Variants in HERC1 observed in about 807,000 individuals in gnomAD.
The protein encoded by HERC1 is probable E3 ubiquitin-protein ligase HERC1.
A neutral mutation model predicts 554.3 loss-of-function variants in HERC1; 160 were observed. The observed-to-expected ratio is 0.29, with a 90% CI of 0.25 to 0.33. The LOEUF (loss-of-function observed/expected upper bound fraction) is 0.33, where lower values mean the gene tolerates loss of function less well. HERC1 is among the 10% of genes least tolerant of loss of function. The pLI is 1.00. For synonymous variants in HERC1, 2,175 were observed against 2,131.7 expected (o/e 1.02, Z -0.56); for missense variants, 4,919 against 5,918.5 (o/e 0.83, Z 5.54).
rs143857583 is a variant in HERC1, at chr15:63,707,325, T to G, written c.4585-494A>C. 7.5e-4 allele frequency among the ~76,000 whole-genome samples: 115 copies of G among 152,358 alleles called. 4 individuals carry two copies. The East Asian group carries it at 0.017, about 23-fold the overall frequency. ...ATAACAGTCCTAAACCTTCTGGTAG[T>G]ATTTGAAAAGATTTTTAAATGTCTT... On this transcript the variant is annotated intron_variant, in intron 24 of 77. Coordinates refer to ENST00000443617, the MANE Select transcript of HERC1 (RefSeq NM_003922.4).
chr15:63,762,581 T>A (rs2075648017), intron 3 of HERC1, among the ~76,000 whole-genome samples: 1 of 152,116 alleles, frequency 6.6e-6, no homozygotes, highest in South Asian at 2.1e-4. Flanking sequence ...CACCTCGGCC[T>A]CCCAAAGTGC....
Position 63,616,528 on chromosome 15 carries a change from G to C in HERC1, c.13843C>G (p.Leu4615Val), listed in dbSNP as rs759412132. The change falls in exon 75 of 78, where the codon CTA becomes GTA. Residue 4615 changes from leucine to valine, a missense_variant. By Grantham distance (32) the Leu-to-Val change is conservative. Transcript: ENST00000443617. ...WKQLCCVPLT[L>V]EDLEEVDLLY... Reference sequence around the variant, plus strand: ...AGATCCACCTCCTCCAGGTCCTCTAGGGTGAGTGGGACACAGCACAGCTGC... The same window carrying C: ...AGATCCACCTCCTCCAGGTCCTCTACGGTGAGTGGGACACAGCACAGCTGC... 6 of 1,613,846 alleles carry C rather than the reference G, an allele frequency of 3.7e-6. No homozygotes were observed. The highest frequency in any genetic ancestry group is 4.2e-6 in the Non-Finnish European group (5 of 1,179,896).
At chr15:63,660,046 C>T (rs910323010) in intron 46 of HERC1, 110 bp from the exon 47 acceptor site, 37 of 860,202 alleles carry the variant, frequency 4.3e-5, no homozygotes, top group Non-Finnish European at 5.9e-5. Context: ...CAGCCAGATG[C>T]GATGGCTCAC....
intron 19 of HERC1, among the ~76,000 whole-genome samples, chr15:63,720,258 CACACTCGGCCTCT>C (rs1409108540): frequency 4.0e-5 from 6 of 151,748 alleles, no homozygotes; most frequent in East Asian, 1.9e-4. Flanking sequence ...CATGAGCTAC[CACACTCGGCCTCT>C]TCCCATTCTT....
At chr15:63,798,818 ACT>A (rs921000719) in intron 1 of HERC1, among the ~76,000 whole-genome samples, 25 of 152,308 alleles carry the variant, frequency 1.6e-4, no homozygotes, top group African/African-American at 5.8e-4. Context: ...CAAAATGGTA[ACT>A]CATAGGTATA....
rs775558489 is a variant in HERC1, at chr15:63,609,155, G to A, written c.14512C>T (p.Arg4838Cys). ...ATGTAGTTGTCCATGTCGATTGAGC[G>A]GCAGTTGTTGATGGCATAGCGCAGG... ...ERLRYAINNCRSIDMDNYMLS... is the reference protein window; with the variant it reads ...ERLRYAINNCCSIDMDNYMLS... The change falls in exon 78 of 78, where the codon CGC (arginine) becomes TGC (cysteine). Residue 4838 changes from arginine to cysteine, a missense_variant. Arg to Cys is a radical substitution (Grantham distance 180). Transcript: ENST00000443617. 5.6e-6 allele frequency: 9 copies of A among 1,613,934 alleles called. No individual in the cohort carries two copies. Among genetic ancestry groups the A allele is most frequent in the South Asian group, 1.1e-5 (1 of 91,036 alleles).
chr15:63,724,969 T>C (rs2073981467), intron 18 of HERC1, among the ~76,000 whole-genome samples: 1 of 152,220 alleles, frequency 6.6e-6, no homozygotes, highest in Non-Finnish European at 1.5e-5. Context: ...CTTTACATTC[T>C]GGGAAGCAGT....
intron 40 of HERC1, among the ~76,000 whole-genome samples, chr15:63,667,100 G>A (rs1290824227): frequency 6.6e-6 from 1 of 152,186 alleles, no homozygotes; most frequent in Non-Finnish European, 1.5e-5. Context: ...CATTCATGAT[G>A]AGCTATAGTG....
chr15:63,625,896 G>C, intron 71 of HERC1, 89 bp downstream of exon 71: 1 of 1,364,958 alleles, frequency 7.3e-7, no homozygotes, highest in Non-Finnish European at 1.0e-6. Context: ...CAAAGGCAGA[G>C]GGAAAGGCCC....
chr15:63,749,529 A>C lies in HERC1; in HGVS notation c.2057T>G (p.Val686Gly). 1 of 1,605,358 alleles carries C rather than the reference A, an allele frequency of 6.2e-7. No individual in the cohort carries two copies. The highest frequency in any genetic ancestry group is 8.5e-7 in the Non-Finnish European group (1 of 1,177,102). ...CATTGAGTTATTGCCCCAGGCATAA[A>C]CTTCATTATCTAAAAACAAAATATA... is the stretch of plus-strand genomic sequence containing the variant. ...HCLALSHDNE[V>G]YAWGNNSMGQ... is the part of the protein sequence containing the mutation. Residue 686 changes from valine (V) to glycine (G), a missense_variant, in exon 10 of 78, where the codon GTT (valine) becomes GGT (glycine). Around this residue, in one of 11 missense-constraint regions of HERC1, gnomAD observed 744 missense variants for 1,090.0 expected, o/e 0.68. Coordinates refer to ENST00000443617, the MANE Select transcript of HERC1 (RefSeq NM_003922.4). This position sits in a 1 kb window ranked among gnomAD's most constrained non-coding sequence, Gnocchi z 4.1.
chr15:63,624,115 A>G, intron 72 of HERC1, 43 bp downstream of exon 72: 1 of 1,532,656 alleles, frequency 6.5e-7, no homozygotes, highest in Non-Finnish European at 8.9e-7. Context: ...ATCCATCTGA[A>G]AAAATCACAG....
chr15:63,827,897 T>C (rs994610169), intron 1 of HERC1, among the ~76,000 whole-genome samples: 1 of 152,128 alleles, frequency 6.6e-6, no homozygotes, highest in Admixed American at 6.5e-5. Context: ...AAACGCCACA[T>C]ATTATATGAT....
rs1242358817 is a variant in HERC1 at position 63,775,419 on chromosome 15, A to T, written c.205T>A (p.Ser69Thr). 11 of 1,613,832 alleles carry T rather than the reference A, an allele frequency of 6.8e-6. No homozygotes were observed. The highest frequency in any genetic ancestry group is 9.3e-6 in the Non-Finnish European group (11 of 1,179,870). Residue 69 changes from serine (S) to threonine (T), a missense_variant, in exon 2 of 78, where the codon TCT becomes ACT. Physicochemically the swap from Ser to Thr is moderately conservative, Grantham distance 58. Transcript: ENST00000443617. This position sits in a 1 kb window ranked among gnomAD's most constrained non-coding sequence, Gnocchi z 4.0. ...TGGTCCTGCTCATCACTTGAAAGAG[A>T]CTCACGTTCAAAGTCTGGCAACTGT... ...GPQLPDFERE[S>T]LSSDEQDHYL...
At chr15:63,618,502 A>G (rs1403260113) in intron 74 of HERC1, among the ~76,000 whole-genome samples, 2 of 122,286 alleles carry the variant, frequency 1.6e-5, no homozygotes, top group East Asian at 1.9e-4. Context: ...TTTTGGTTCC[A>G]TATGAACTTT....
Position 63,727,629 on chromosome 15 carries a change from T to G in HERC1, c.3346+18A>C. On this transcript the variant is annotated intron_variant, in intron 17 of 77. Transcript: ENST00000443617. This position sits in a 1 kb window ranked among gnomAD's most constrained non-coding sequence, Gnocchi z 4.3. ...TTTTCTCAAAGGCATTATTTGCTCTTTTATTGTCTTTACTTACCATGAAGA... is the reference window on the plus strand; with the variant it reads ...TTTTCTCAAAGGCATTATTTGCTCTGTTATTGTCTTTACTTACCATGAAGA... 1 of 1,585,176 alleles carries G rather than the reference T, an allele frequency of 6.3e-7. No individual in the cohort carries two copies. Among genetic ancestry groups the G allele is most frequent in the Non-Finnish European group, 8.6e-7 (1 of 1,163,030 alleles).
chr15:63,718,683 C>G lies in HERC1; in HGVS notation c.3869G>C (p.Gly1290Ala). ...ACGGTACACTTCTGATAAGTGTTTA[C>G]CAGGTTGATATCTAAATGAAGAACC... Reference protein sequence around the residue: ...QACGESRYQPGKHLSEVYRCV... With the variant: ...QACGESRYQPAKHLSEVYRCV... The change falls in exon 21 of 78, where the codon GGT becomes GCT. Residue 1290 changes from glycine (G) to alanine (A), a missense_variant. Physicochemically the swap from Gly to Ala is moderately conservative, Grantham distance 60 (BLOSUM62 0). Coordinates refer to ENST00000443617, the MANE Select transcript of HERC1 (RefSeq NM_003922.4). This position sits in a 1 kb window ranked among gnomAD's most constrained non-coding sequence, Gnocchi z 4.2. 1 of 1,602,744 alleles carries G rather than the reference C, an allele frequency of 6.2e-7. No individual in the cohort carries two copies. Among genetic ancestry groups the G allele is most frequent in the South Asian group, 1.1e-5 (1 of 89,988 alleles).
rs1483047456 is a variant in HERC1 at position 63,634,690 on chromosome 15, G to A, written c.12570+43C>T. The A allele has an allele frequency of 1.9e-6, 3 of 1,552,888 alleles. No homozygotes were observed. In the South Asian group the frequency reaches 3.5e-5, roughly 18 times the overall value. ...GTCTAAGCGAACACAGAAGAAATGA[G>A]AAACAATGATCAGCTAGAATATCTT... is the stretch of plus-strand genomic sequence containing the variant. On this transcript the variant is annotated intron_variant, in intron 66 of 77. Coordinates refer to ENST00000443617, the MANE Select transcript of HERC1 (RefSeq NM_003922.4).
Position 63,654,242 on chromosome 15 carries a change from C to T in HERC1, c.10167G>A (p.Gln3389=), listed in dbSNP as rs2069878975. The T allele has an allele frequency of 6.2e-7, 1 of 1,613,872 alleles. No individual in the cohort carries two copies. The highest frequency in any genetic ancestry group is 1.3e-5 in the African/African-American group (1 of 74,934). Residue 3389 remains glutamine (Q), a synonymous_variant, in exon 51 of 78, where the codon CAG becomes CAA. Transcript: ENST00000443617. ...LSSQHRQWAA[Q]QLVRTLAAHD... ...GTGCAGCAAGAGTGCGCACGAGTTG[C>T]TGAGCTGCCCATTGCCGATGCTGTG... is the stretch of plus-strand genomic sequence containing the variant.
Position 63,656,117 on chromosome 15 carries a change from C to A in HERC1, c.9841G>T (p.Ala3281Ser). The A allele has an allele frequency of 6.2e-7, 1 of 1,612,676 alleles. No individual in the cohort carries two copies. The highest frequency in any genetic ancestry group is 1.1e-5 in the South Asian group (1 of 90,782). Reference protein sequence around the residue: ...GCLASNAPSAAKLLVQLCTQN... With the variant: ...GCLASNAPSASKLLVQLCTQN... The stretch of plus-strand genomic sequence containing the variant: ...GTACACAACTGTACAAGCAGTTTGG[C>A]AGCACTAGGAGCATTTGATGCCAGA... Residue 3281 changes from alanine (A) to serine (S), a missense_variant, in exon 49 of 78, where the codon GCC (alanine) becomes TCC (serine). Around this residue, in one of 11 missense-constraint regions of HERC1, gnomAD observed 1,963 missense variants for 2,228.6 expected, o/e 0.88. Coordinates refer to ENST00000443617, the MANE Select transcript of HERC1 (RefSeq NM_003922.4).
Sources: allele counts gnomAD v4.1 joint callset (sites outside exome capture counted in the v4.1 genomes callset), GRCh38; gene constraint gnomAD v4.1.1; regional missense constraint gnomAD v4.1.1; non-coding constraint Gnocchi (gnomAD v3.1); transcripts MANE v1.5; gene names NCBI Gene and HGNC (gene_info 2026-07-23, HGNC 2026-07-21).